Variants in STYXL1 observed in about 807,000 individuals in gnomAD.
STYXL1 encodes serine/threonine/tyrosine interacting like 1.
In STYXL1, 32 loss-of-function variants were observed where a neutral mutation model predicts 36.4. That is an observed-to-expected ratio of 0.88 (90% confidence interval 0.66 to 1.18). The LOEUF is 1.18. STYXL1 is among the 50% of genes most tolerant of loss of function. The pLI is 0.00. For synonymous variants in STYXL1, 133 were observed against 144.1 expected (o/e 0.92, Z 0.55); for missense variants, 354 against 394.1 (o/e 0.90, Z 0.86).
chr7:76,038,959 T>TTC (rs1484847987), intron 1 of STYXL1, among the ~76,000 whole-genome samples: 1 of 146,420 alleles, frequency 6.8e-6, no homozygotes, highest in Non-Finnish European at 1.5e-5. Flanking sequence ...ATTTTTTTTT[T>TTC]TTTTTTGAGA....
intron 4 of STYXL1, among the ~76,000 whole-genome samples, chr7:76,020,347 C>A (rs1793915590): frequency 6.6e-6 from 1 of 152,212 alleles, no homozygotes; most frequent in Non-Finnish European, 1.5e-5. Flanking sequence ...TCTGGAACGG[C>A]ACCCACAGGT....
At chr7:76,007,728 C>T (rs1448405402) in intron 5 of STYXL1, among the ~76,000 whole-genome samples, 1 of 151,530 alleles carries the variant, frequency 6.6e-6, no homozygotes, top group East Asian at 1.9e-4. Flanking sequence ...CAAGACCAGC[C>T]TGGGTAACAC....
Position 75,996,562 on chromosome 7 carries a change from ATGT to A in STYXL1, c.845_847del (p.Asn282del), listed in dbSNP as rs782254031. ...GCTCACCAATCCCCGATTTGGACAC[ATGT>A]TGTTTTTGCACTTCTTGACATAGGC... On this transcript the variant is annotated inframe_deletion, in exon 9 of 9. Coordinates refer to ENST00000359697, the MANE Select transcript of STYXL1 (RefSeq NM_001317785.2). 8.7e-6 allele frequency: 14 copies of A among 1,614,068 alleles called. No individual in the cohort carries two copies. The highest frequency in any genetic ancestry group is 1.1e-5 in the South Asian group (1 of 91,088).
Position 76,046,315 on chromosome 7 carries a change from TGTGTGTGTGTGTGTGTGTGTGTGTGCGC to T in STYXL1, c.-5+1319_-5+1346del, listed in dbSNP as rs1282585875. 8.7e-3 allele frequency among the ~76,000 whole-genome samples: 438 copies of T among 50,076 alleles called. 8 individuals carry two copies. The highest frequency in any genetic ancestry group is 0.014 in the African/African-American group (251 of 17,554). The allele number at this position is 50,076 out of a possible 152,430, so 32.9% of individuals were successfully genotyped here. ...GTGTGTGTGTGTGTGTGTGTGTGTG[TGTGTGTGTGTGTGTGTGTGTGTGTGCGC>T]GCGCGCGCGCGCGCGCTTTTGAGCC... On this transcript the variant is annotated intron_variant, in intron 1 of 8. Transcript: ENST00000359697.
chr7:76,007,816 G>A (rs1418111225), intron 5 of STYXL1, among the ~76,000 whole-genome samples: 1 of 151,070 alleles, frequency 6.6e-6, no homozygotes, highest in Non-Finnish European at 1.5e-5. Context: ...GGCTACTCAG[G>A]AGGCTGAAGT....
intron 5 of STYXL1, among the ~76,000 whole-genome samples, 182 bp downstream of exon 5, chr7:76,013,560 G>A (rs1447387427): frequency 6.6e-6 from 1 of 151,726 alleles, no homozygotes; most frequent in African/African-American, 2.4e-5. Flanking sequence ...TAGTAGCTAC[G>A]ACTATGGGCA....
chr7:76,021,148 G>A lies in STYXL1; in HGVS notation c.307+703C>T, dbSNP rs1158187601. On this transcript the variant is annotated intron_variant, in intron 4 of 8. Transcript: ENST00000359697. Reference sequence around the variant, plus strand: ...GCTGGAGTGCAGTGGCGTGATCTCCGCTCACTGCAAGCTCTGCCTCCTGGG... The same window carrying A: ...GCTGGAGTGCAGTGGCGTGATCTCCACTCACTGCAAGCTCTGCCTCCTGGG... Among the ~76,000 whole-genome samples the A allele has an allele frequency of 3.3e-5, 5 of 150,098 alleles. No individual in the cohort carries two copies. In the Admixed American group the frequency reaches 3.3e-4, roughly 10 times the overall value.
intron 5 of STYXL1, among the ~76,000 whole-genome samples, chr7:76,005,801 G>C (rs1434581420): frequency 4.0e-5 from 6 of 149,970 alleles, no homozygotes; most frequent in Non-Finnish European, 7.4e-5. Flanking sequence ...TAAGCATCGA[G>C]AGAGAGAGAG....
At chr7:76,009,597 G>T (rs1792301642) in intron 5 of STYXL1, among the ~76,000 whole-genome samples, 1 of 152,168 alleles carries the variant, frequency 6.6e-6, no homozygotes, top group African/African-American at 2.4e-5. Flanking sequence ...TTTTAGTAGA[G>T]ATGGGGTTTC....
intron 1 of STYXL1, among the ~76,000 whole-genome samples, chr7:76,041,407 C>A (rs1342765101): frequency 1.3e-5 from 2 of 152,008 alleles, no homozygotes; most frequent in African/African-American, 4.8e-5. Context: ...TTGTCCCCAG[C>A]AAAACTCATG....
At chr7:76,011,426 G>A (rs1054345012) in intron 5 of STYXL1, among the ~76,000 whole-genome samples, 2 of 152,076 alleles carry the variant, frequency 1.3e-5, no homozygotes, top group African/African-American at 4.8e-5. Context: ...TACAACCTTC[G>A]AAAAGCAACA....
intron 8 of STYXL1, chr7:76,000,489 G>T: frequency 4.4e-6 from 2 of 459,008 alleles, no homozygotes; most frequent in Non-Finnish European, 8.8e-6. Context: ...TGCTGCGATG[G>T]GTCCCTGCTT....
chr7:76,039,835 C>T (rs1009356349), intron 1 of STYXL1, among the ~76,000 whole-genome samples: 23 of 152,084 alleles, frequency 1.5e-4, no homozygotes, highest in Admixed American at 1.3e-3. Flanking sequence ...TTTATAGAGA[C>T]GGGGTTTCAC....
intron 8 of STYXL1, among the ~76,000 whole-genome samples, chr7:75,999,491 T>TGTA (rs1554565570): frequency 2.7e-5 from 3 of 111,282 alleles, no homozygotes; most frequent in South Asian, 2.8e-4. Context: ...AATTTTTTTG[T>TGTA]TGTGTGTGTG....
rs142273075 is a variant in STYXL1 at position 76,047,740 on chromosome 7, G to C, written c.-83C>G. 386 of 308,924 alleles carry C rather than the reference G, an allele frequency of 1.2e-3. No homozygotes were observed. Among genetic ancestry groups the C allele is most frequent in the Non-Finnish European group, 1.8e-3 (310 of 168,604 alleles). 19.1% of individuals were successfully genotyped at this position (308,924 alleles called of 1,614,324 possible). A position where few individuals can be genotyped will look rare whatever the true frequency, so the allele number is the denominator to read the frequency against. ...GGCTGAGGTCGGGGGCTCGGGTCTG[G>C]GACGCGCTCCACCTCCCCGGCTGCG... On this transcript the variant is annotated 5_prime_UTR_variant, in exon 1 of 9. Coordinates refer to ENST00000359697, the MANE Select transcript of STYXL1 (RefSeq NM_001317785.2).
chr7:76,045,879 A>C (rs1001920397), intron 1 of STYXL1: 1 of 147,288 alleles, frequency 6.8e-6, no homozygotes, highest in African/African-American at 2.4e-5. Flanking sequence ...CATGTTGGAC[A>C]AAAAAAACAG....
intron 5 of STYXL1, among the ~76,000 whole-genome samples, chr7:76,012,302 G>A (rs1792655984): frequency 6.6e-6 from 1 of 151,990 alleles, no homozygotes; most frequent in South Asian, 2.1e-4. Context: ...TGGAGACAGG[G>A]TCTTGCTTCG....
chr7:76,036,977 G>A (rs1795970650), intron 1 of STYXL1, among the ~76,000 whole-genome samples: 1 of 148,952 alleles, frequency 6.7e-6, no homozygotes, highest in South Asian at 2.2e-4. Context: ...GTAGAGATGG[G>A]TTTTCACCGT....
At chr7:76,035,334 C>T (rs1795813695) in intron 1 of STYXL1, among the ~76,000 whole-genome samples, 1 of 130,590 alleles carries the variant, frequency 7.7e-6, no homozygotes, top group Non-Finnish European at 1.8e-5. Context: ...GCCTTGTCTT[C>T]ACCTCACTAT....
Sources: gnomAD v4.1 joint callset for allele counts (sites outside exome capture counted in the v4.1 genomes callset) on GRCh38, gnomAD v4.1.1 for gene constraint, MANE v1.5 for transcripts, NCBI Gene and HGNC (gene_info 2026-07-23, HGNC 2026-07-21) for gene names.